Variants in NUP93 observed in about 807,000 individuals in gnomAD.
NUP93 encodes nuclear pore complex protein Nup93.
NUP93 carries 55 observed loss-of-function variants against 107.8 expected under a neutral mutation model. The ratio of observed to expected loss-of-function variants is 0.51; its 90% CI spans 0.41 to 0.64. The LOEUF (loss-of-function observed/expected upper bound fraction) is 0.64. NUP93 is among the 30% of genes least tolerant of loss of function. The probability of loss-of-function intolerance (pLI) is 0.00; values close to 1 mark genes in which losing one functional copy is unlikely to be tolerated. For missense variants in NUP93, 937 were observed against 1,044.7 expected (o/e 0.90, Z 1.42); for synonymous variants, 390 against 397.5 (o/e 0.98, Z 0.22).
intron 3 of NUP93, among the ~76,000 whole-genome samples, chr16:56,777,428 A>G (rs1962435198): frequency 6.6e-6 from 1 of 152,184 alleles, no homozygotes; most frequent in African/African-American, 2.4e-5. Context: ...ACTCCTGGGC[A>G]GTCTAGTTTG....
chr16:56,731,747 T>A (rs1961538939), intron 1 of NUP93, among the ~76,000 whole-genome samples: 1 of 152,216 alleles, frequency 6.6e-6, no homozygotes, highest in Non-Finnish European at 1.5e-5. Context: ...CTTGCCACCC[T>A]GGGCCAGGTC....
intron 3 of NUP93, chr16:56,783,823 A>T: frequency 1.0e-6 from 1 of 985,426 alleles, no homozygotes; most frequent in Non-Finnish European, 1.2e-6. Flanking sequence ...AGAGTTCTTT[A>T]GGAAGGTGGA....
At chr16:56,807,642 C>T (rs1963171167) in intron 5 of NUP93, among the ~76,000 whole-genome samples, 1 of 152,118 alleles carries the variant, frequency 6.6e-6, no homozygotes, top group Non-Finnish European at 1.5e-5. Flanking sequence ...TGTTAAGTAG[C>T]CCTTTTCTTA....
intron 5 of NUP93, among the ~76,000 whole-genome samples, chr16:56,811,812 G>C (rs1466915395): frequency 6.6e-6 from 1 of 152,174 alleles, no homozygotes; most frequent in Non-Finnish European, 1.5e-5. Flanking sequence ...CGTAAGGAAT[G>C]TAGACTATGT....
rs1962215397 is a variant in NUP93, at chr16:56,766,288, A to G, written c.297+7633A>G. Among the ~76,000 whole-genome samples, 3 of 152,180 alleles carry G rather than the reference A, an allele frequency of 2.0e-5. No individual in the cohort carries two copies. The South Asian group carries it at 6.2e-4, about 32-fold the overall frequency. On this transcript the variant is annotated intron_variant, in intron 3 of 21. Coordinates refer to ENST00000308159, the MANE Select transcript of NUP93 (RefSeq NM_014669.5). ...TTGGAACAAGCCCCGTGGCTGAAAC[A>G]TTTAACATTTTAATAGAAGACTTCA... is the stretch of plus-strand genomic sequence containing the variant.
chr16:56,785,472 A>C, intron 3 of NUP93, among the ~76,000 whole-genome samples: 1 of 152,178 alleles, frequency 6.6e-6, no homozygotes, highest in East Asian at 1.9e-4. Context: ...CAGTTTTCTC[A>C]TGAAATTTTA....
At chr16:56,762,567 G>A (rs1962145763) in intron 3 of NUP93, among the ~76,000 whole-genome samples, 1 of 152,154 alleles carries the variant, frequency 6.6e-6, no homozygotes, top group Non-Finnish European at 1.5e-5. Flanking sequence ...TAAATATGAT[G>A]TATCCCTAAT....
chr16:56,760,509 C>T lies in NUP93; in HGVS notation c.297+1854C>T, dbSNP rs185621644. The stretch of plus-strand genomic sequence containing the variant: ...GGGGAGGCCTCAGGGAGCTTTTACT[C>T]ATGGCAAAAGGCAAAGTGGGAGCTT... On this transcript the variant is annotated intron_variant, in intron 3 of 21. Transcript: ENST00000308159. Among the ~76,000 whole-genome samples the T allele has an allele frequency of 2.0e-5, 3 of 152,190 alleles. No individual in the cohort carries two copies. In the East Asian group the frequency reaches 5.8e-4, roughly 29 times the overall value.
chr16:56,733,913 CTT>C (rs372392161), intron 1 of NUP93, among the ~76,000 whole-genome samples: 2 of 152,332 alleles, frequency 1.3e-5, no homozygotes, highest in African/African-American at 4.8e-5. Context: ...CCAGAAGAAA[CTT>C]TCTCAAACCT....
chr16:56,775,473 GT>G (rs1962399469), intron 3 of NUP93, among the ~76,000 whole-genome samples: 2 of 152,148 alleles, frequency 1.3e-5, no homozygotes. Flanking sequence ...AGTGTTGTAG[GT>G]TTTCCTGAGG....
intron 3 of NUP93, among the ~76,000 whole-genome samples, chr16:56,760,022 G>A (rs988825346): frequency 6.6e-6 from 1 of 152,126 alleles, no homozygotes; most frequent in African/African-American, 2.4e-5. Flanking sequence ...TGACAGGTTT[G>A]TAAATGTATT....
At chr16:56,834,586 A>G in intron 15 of NUP93, 144 bp downstream of exon 15, 1 of 1,115,376 alleles carries the variant, frequency 9.0e-7, no homozygotes. Context: ...CTAACAATGA[A>G]AATATTTATT....
intron 8 of NUP93, among the ~76,000 whole-genome samples, chr16:56,828,616 T>C (rs1963717929): frequency 6.6e-6 from 1 of 152,244 alleles, no homozygotes; most frequent in Admixed American, 6.5e-5. Flanking sequence ...TCTTTTAATT[T>C]TTTGTAGGTT....
chr16:56,804,691 C>T (rs113234443), intron 4 of NUP93, among the ~76,000 whole-genome samples: 15,203 of 152,012 alleles, frequency 0.1, 934 homozygotes, highest in Middle Eastern at 0.24. Context: ...GGCAGATCAC[C>T]TGAGGTCAGG....
At chr16:56,751,090 C>T (rs1170149957) in intron 2 of NUP93, among the ~76,000 whole-genome samples, 1 of 151,728 alleles carries the variant, frequency 6.6e-6, no homozygotes, top group Non-Finnish European at 1.5e-5. Flanking sequence ...TGGAGGGTGC[C>T]CATCATCAAT....
At chr16:56,808,123 ACTATATAAATATATTTATATAACT>A (rs1486320446) in intron 5 of NUP93, among the ~76,000 whole-genome samples, 2 of 126,266 alleles carry the variant, frequency 1.6e-5, no homozygotes, top group African/African-American at 5.9e-5. Context: ...ATATTATATA[ACTATATAAATATATTTATATAACT>A]ATATATAATA....
intron 3 of NUP93, among the ~76,000 whole-genome samples, chr16:56,789,634 C>G (rs1962709246): frequency 6.6e-6 from 1 of 152,234 alleles, no homozygotes; most frequent in Non-Finnish European, 1.5e-5. Context: ...ATGAGAGCAA[C>G]TAGGCTTTTG....
At chr16:56,799,851 A>G (rs546816157) in intron 4 of NUP93, among the ~76,000 whole-genome samples, 80 of 152,342 alleles carry the variant, frequency 5.3e-4, no homozygotes, top group African/African-American at 1.9e-3. Context: ...GAAATGTTCC[A>G]AAGTCGTTAT....
At chr16:56,767,919 G>T (rs1393313608) in intron 3 of NUP93, among the ~76,000 whole-genome samples, 1 of 152,210 alleles carries the variant, frequency 6.6e-6, no homozygotes, top group Non-Finnish European at 1.5e-5. Flanking sequence ...TACTGAATCA[G>T]TGCTTCTCAA....
Sources: allele counts gnomAD v4.1 joint callset (sites outside exome capture counted in the v4.1 genomes callset), GRCh38; gene constraint gnomAD v4.1.1; transcripts MANE v1.5; gene names NCBI Gene and HGNC (gene_info 2026-07-23, HGNC 2026-07-21).